Variants in FAM153A observed in about 807,000 individuals in gnomAD.
FAM153A encodes the protein family with sequence similarity 153 member A, also known as protein FAM153A.
A neutral mutation model predicts 48.1 loss-of-function variants in FAM153A; 12 were observed. The observed-to-expected ratio is 0.25, with a 90% CI of 0.16 to 0.40. FAM153A has a LOEUF of 0.40. Ranked by LOEUF, FAM153A falls within the 10% of genes least tolerant of loss-of-function variation. The probability of loss-of-function intolerance (pLI) is 1.00; values close to 1 mark genes in which losing one functional copy is unlikely to be tolerated. For missense variants in FAM153A, 111 were observed against 345.8 expected, an observed-to-expected ratio of 0.32 and a Z score of 5.38; for synonymous variants, 36 against 118.2, an observed-to-expected ratio of 0.30 and a Z score of 4.51.
intron 24 of FAM153A, among the ~76,000 whole-genome samples, chr5:177,716,964 A>AGT (rs59312087): frequency 0.1 from 13,259 of 127,632 alleles, 794 homozygotes; most frequent in Admixed American, 0.16. Flanking sequence ...ATTCCCGCTT[A>AGT]GTGTGTGTGT....
At chr5:177,743,195 T>TTTTGTTTA (rs1765563638) in intron 6 of FAM153A, among the ~76,000 whole-genome samples, 1 of 98,730 alleles carries the variant, frequency 1.0e-5, no homozygotes. Flanking sequence ...CACTTGTTTT[T>TTTTGTTTA]TTTTTGTTTT....
chr5:177,753,580 C>T (rs1767329025), upstream of FAM153A, among the ~76,000 whole-genome samples: 1 of 150,436 alleles, frequency 6.6e-6, no homozygotes, highest in African/African-American at 2.5e-5. Flanking sequence ...AAGGGAGATT[C>T]CAGGCTTGAT....
At chr5:177,738,649 C>T (rs1267043661) in intron 10 of FAM153A, among the ~76,000 whole-genome samples, 6 of 151,282 alleles carry the variant, frequency 4.0e-5, no homozygotes, top group African/African-American at 1.5e-4. Flanking sequence ...AAATTCATCT[C>T]TGCACTATCT....
At chr5:177,778,409 A>T (rs1223230449) in intron 1 of FAM153A, among the ~76,000 whole-genome samples, 1 of 92,938 alleles carries the variant, frequency 1.1e-5, no homozygotes, top group Admixed American at 1.1e-4. Context: ...GTTTCTAGAA[A>T]AAAAAAAAAA....
chr5:177,756,113 C>T (rs371571907), upstream of FAM153A, among the ~76,000 whole-genome samples: 1 of 149,968 alleles, frequency 6.7e-6, no homozygotes, highest in Non-Finnish European at 1.5e-5. Flanking sequence ...GAGACACACA[C>T]AGGCTCAGAA....
chr5:177,705,473 C>T (rs1440894330), downstream of FAM153A, among the ~76,000 whole-genome samples: 1 of 151,080 alleles, frequency 6.6e-6, no homozygotes, highest in Non-Finnish European at 1.5e-5. Flanking sequence ...AACCATGAGC[C>T]AATTAAACCT....
intron 1 of FAM153A, among the ~76,000 whole-genome samples, chr5:177,769,625 C>T (rs1211676844): frequency 1.0e-5 from 1 of 96,666 alleles, no homozygotes; most frequent in Non-Finnish European, 2.1e-5. Flanking sequence ...AACTTTCCAG[C>T]TGCCAGTGGA....
At chr5:177,719,422 G>C (rs1333902316), downstream of FAM153A, among the ~76,000 whole-genome samples, 1 of 149,752 alleles carries the variant, frequency 6.7e-6, no homozygotes, top group Non-Finnish European at 1.5e-5. Context: ...CCTAAGAGAA[G>C]TAAAAGGAAG....
chr5:177,707,034 A>C (rs1225279057), downstream of FAM153A: 2 of 151,992 alleles, frequency 1.3e-5, no homozygotes, highest in African/African-American at 4.9e-5. Context: ...CTGACACAGG[A>C]GCCCCAGTTA....
At chr5:177,698,510 AT>A in the FAM153A span, among the ~76,000 whole-genome samples, 1 of 151,742 alleles carries the variant, frequency 6.6e-6, no homozygotes, top group Admixed American at 6.6e-5. Flanking sequence ...AGACTTGCTT[AT>A]TGCCCTCTAA....
chr5:177,732,458 TCC>T (rs1174133554), intron 14 of FAM153A, among the ~76,000 whole-genome samples: 4 of 82,792 alleles, frequency 4.8e-5, no homozygotes, highest in Non-Finnish European at 7.5e-5. Flanking sequence ...GGTCATTTCC[TCC>T]CAGGATCCAC....
intron 1 of FAM153A, among the ~76,000 whole-genome samples, chr5:177,760,191 C>G (rs1179809654): frequency 6.8e-6 from 1 of 146,446 alleles, no homozygotes; most frequent in Non-Finnish European, 1.5e-5. Flanking sequence ...TTAAAAAATA[C>G]CAGACCACAG....
In FAM153A at chr5:177,715,843, T is replaced by A. The variant is rs1365857963; in HGVS notation, c.*1222+502A>T. Among the ~76,000 whole-genome samples the A allele has an allele frequency of 2.6e-5, 4 of 151,740 alleles. No homozygotes were observed. In the South Asian group the frequency reaches 6.2e-4, roughly 24 times the overall value. ...CTCAGCCTCCTGCGCAGCTAATTTTTAAATTTTTTTTTGTAGAAACGGGGT... is the reference window on the plus strand; with the variant it reads ...CTCAGCCTCCTGCGCAGCTAATTTTAAAATTTTTTTTTGTAGAAACGGGGT... On this transcript the variant is annotated intron_variant and NMD_transcript_variant, in intron 25 of 26. Coordinates refer to the FAM153A transcript ENST00000360669.
chr5:177,779,130 A>C (rs188288944), intron 1 of FAM153A, among the ~76,000 whole-genome samples: 1 of 151,962 alleles, frequency 6.6e-6, no homozygotes, highest in East Asian at 1.9e-4. Flanking sequence ...TTCATTTCTT[A>C]TAAAACTAAA....
intron 1 of FAM153A, among the ~76,000 whole-genome samples, chr5:177,751,905 T>C (rs1451336864): frequency 1.1e-5 from 1 of 90,062 alleles, no homozygotes; most frequent in South Asian, 4.2e-4. Context: ...TTCAGGAAGG[T>C]TGATGTATTT....
downstream of FAM153A, among the ~76,000 whole-genome samples, chr5:177,708,816 C>T (rs1013147899): frequency 1.5e-4 from 23 of 151,594 alleles, no homozygotes; most frequent in African/African-American, 3.4e-4. Context: ...AGTCTTGGAC[C>T]GGGCTCAGTG....
downstream of FAM153A, among the ~76,000 whole-genome samples, chr5:177,707,658 T>C (rs373229877): frequency 0.015 from 2,348 of 151,732 alleles, 100 homozygotes; most frequent in African/African-American, 0.049. Context: ...CTCTGCCACC[T>C]AAGCAATTCT....
chr5:177,761,068 T>C lies in FAM153A; in HGVS notation c.-56-12369A>G, dbSNP rs528901598. Among the ~76,000 whole-genome samples the C allele has an allele frequency of 9.5e-4, 144 of 151,154 alleles. 3 individuals carry two copies. The South Asian group carries it at 0.029, about 30-fold the overall frequency. ...GCGGGACTGAATCCACAGCAGGAGG[T>C]TGGAATCATCTGGATATGCCATCAT... On this transcript the variant is annotated intron_variant, in intron 1 of 8. Transcript: ENST00000393518.
rs1764673460 is a variant in FAM153A, at chr5:177,736,432, C to T, written c.664+147G>A. 28 of 1,039,538 alleles carry T rather than the reference C, an allele frequency of 2.7e-5. 1 individual carries two copies. The South Asian group carries it at 3.8e-4, about 14-fold the overall frequency. The allele number at this position is 1,039,538 out of a possible 1,614,324, so 64.4% of individuals were successfully genotyped here. A position where few individuals can be genotyped will look rare whatever the true frequency, so the allele number is the denominator to read the frequency against. On this transcript the variant is annotated intron_variant, in intron 12 of 20. Coordinates refer to ENST00000614127, the Ensembl canonical transcript of FAM153A. Reference sequence around the variant, plus strand: ...GTTAGAGTGGTTTACTGGATCTTAGCATTCTTTTAAACCAAACTTCCCAAA... The same window carrying T: ...GTTAGAGTGGTTTACTGGATCTTAGTATTCTTTTAAACCAAACTTCCCAAA...
Sources: allele counts gnomAD v4.1 joint callset (sites outside exome capture counted in the v4.1 genomes callset), GRCh38; gene constraint gnomAD v4.1.1; transcripts MANE v1.5; gene names NCBI Gene and HGNC (gene_info 2026-07-23, HGNC 2026-07-21).